Variants in SHLD2 observed in about 807,000 individuals in gnomAD.
The protein encoded by SHLD2 is RINN1-REV7-interacting novel NHEJ regulator 2.
SHLD2 carries 30 observed loss-of-function variants against 73.2 expected under a neutral mutation model. That is an observed-to-expected ratio of 0.41 (90% CI 0.31 to 0.56). SHLD2 has a LOEUF of 0.56. SHLD2 is among the 20% of genes least tolerant of loss of function. The probability of loss-of-function intolerance (pLI) is 0.28; values close to 1 mark genes in which losing one functional copy is unlikely to be tolerated. For synonymous variants in SHLD2, 285 were observed against 370.1 expected, an observed-to-expected ratio of 0.77 and a Z score of 2.64; for missense variants, 745 against 1,055.9, an observed-to-expected ratio of 0.71 and a Z score of 4.08.
chr10:87,124,790 G>C (rs941508008), intron 2 of SHLD2, among the ~76,000 whole-genome samples: 1 of 145,040 alleles, frequency 6.9e-6, no homozygotes, highest in Non-Finnish European at 1.5e-5. Flanking sequence ...CCATTGACTA[G>C]GCTGAGTGCA....
At chr10:87,162,875 T>C (rs60783257) in intron 4 of SHLD2, among the ~76,000 whole-genome samples, 47,166 of 151,956 alleles carry the variant, frequency 0.31, 7,930 homozygotes, top group South Asian at 0.43. Flanking sequence ...ACATTGGTGG[T>C]AGGAATGCAA....
At chr10:87,168,699 A>G (rs1358634991) in intron 4 of SHLD2, among the ~76,000 whole-genome samples, 1 of 152,208 alleles carries the variant, frequency 6.6e-6, no homozygotes, top group East Asian at 1.9e-4. Flanking sequence ...ACCAAATAAC[A>G]TGTATTCTCA....
intron 2 of SHLD2, among the ~76,000 whole-genome samples, chr10:87,125,179 G>A (rs1479857644): frequency 6.6e-6 from 1 of 152,144 alleles, no homozygotes; most frequent in Non-Finnish European, 1.5e-5. Flanking sequence ...CTCATTTAAG[G>A]TGTCCATCTG....
At chr10:87,188,271 C>T (rs1848749956) in intron 9 of SHLD2, among the ~76,000 whole-genome samples, 1 of 152,130 alleles carries the variant, frequency 6.6e-6, no homozygotes, top group South Asian at 2.1e-4. Context: ...GTGGTCCTGG[C>T]CCTGCCCCAG....
chr10:87,180,292 A>G lies in SHLD2; in HGVS notation c.2388A>G (p.Lys796=). The part of the protein sequence containing the change: ...CFSCLPFTMK[K]IYYRPALMTA... ...GCTGCTTGCCATTTACTATGAAGAA[A>G]ATATATTATAGGTAAGGCAACTAAG... is the stretch of plus-strand genomic sequence containing the variant. Residue 796 remains lysine, a synonymous_variant, in exon 8 of 10, where the codon AAA becomes AAG. Transcript: ENST00000298786. 1 of 1,605,054 alleles carries G rather than the reference A, an allele frequency of 6.2e-7. No homozygotes were observed. The highest frequency in any genetic ancestry group is 8.5e-7 in the Non-Finnish European group (1 of 1,174,342).
chr10:87,096,368 A>G (rs1433118864), intron 1 of SHLD2, among the ~76,000 whole-genome samples: 2 of 151,730 alleles, frequency 1.3e-5, no homozygotes, highest in African/African-American at 4.8e-5. Flanking sequence ...TATAAGCTTT[A>G]TGCTGTATGA....
At chr10:87,122,969 G>A (rs1843730957) in intron 2 of SHLD2, among the ~76,000 whole-genome samples, 1 of 152,132 alleles carries the variant, frequency 6.6e-6, no homozygotes, top group Non-Finnish European at 1.5e-5. Flanking sequence ...AGTAAAGATG[G>A]GGTTTCACCA....
chr10:87,135,680 T>A (rs1479074563), intron 2 of SHLD2, among the ~76,000 whole-genome samples: 7 of 137,232 alleles, frequency 5.1e-5, no homozygotes, highest in Non-Finnish European at 9.5e-5. Context: ...TTTTTTTTTT[T>A]AATAGAGACA....
intron 6 of SHLD2, among the ~76,000 whole-genome samples, chr10:87,175,289 C>T (rs2134640349): frequency 6.6e-6 from 1 of 152,122 alleles, no homozygotes; most frequent in East Asian, 1.9e-4. Flanking sequence ...ACAACTTTGC[C>T]TATAGATAGA....
intron 2 of SHLD2, among the ~76,000 whole-genome samples, chr10:87,123,526 A>G (rs1028331093): frequency 7.2e-5 from 11 of 152,192 alleles, no homozygotes; most frequent in African/African-American, 2.4e-4. Flanking sequence ...ATTGAGTTCT[A>G]TATTTACACA....
intron 8 of SHLD2, among the ~76,000 whole-genome samples, chr10:87,184,386 T>C (rs939155457): frequency 2.0e-5 from 3 of 151,980 alleles, no homozygotes; most frequent in Non-Finnish European, 2.9e-5. Context: ...CTGCGGGGCA[T>C]GTGGCATCCC....
Position 87,152,160 on chromosome 10 carries a change from A to G in SHLD2, c.806A>G (p.Asn269Ser). Reference protein sequence around the residue: ...DKRRSPVNKGNVNMETEPKAS... With the variant: ...DKRRSPVNKGSVNMETEPKAS... Reference sequence around the variant, plus strand: ...AGGCGGAGTCCTGTAAATAAAGGGAATGTAAACATGGAGACTGAACCAAAG... The same window carrying G: ...AGGCGGAGTCCTGTAAATAAAGGGAGTGTAAACATGGAGACTGAACCAAAG... Residue 269 changes from asparagine (N) to serine (S), a missense_variant, in exon 3 of 10, where the codon AAT (asparagine) becomes AGT (serine). This residue lies in a region of SHLD2 where 280 missense variants were observed against 353.9 expected (regional missense o/e 0.79). Transcript: ENST00000298786. The G allele has an allele frequency of 3.7e-6, 6 of 1,611,010 alleles. No individual in the cohort carries two copies. Among genetic ancestry groups the G allele is most frequent in the Non-Finnish European group, 5.1e-6 (6 of 1,179,342 alleles).
At chr10:87,186,830 A>AT (rs1156909088) in intron 8 of SHLD2, among the ~76,000 whole-genome samples, 1 of 151,756 alleles carries the variant, frequency 6.6e-6, no homozygotes, top group East Asian at 1.9e-4. Context: ...AGTTTAATAT[A>AT]TTTTTATATT....
chr10:87,174,451 G>C (rs1418664073), intron 6 of SHLD2, among the ~76,000 whole-genome samples: 13 of 149,810 alleles, frequency 8.7e-5, no homozygotes, highest in Non-Finnish European at 1.2e-4. Flanking sequence ...TTTGTAATAA[G>C]ACAAGAAAGC....
intron 2 of SHLD2, among the ~76,000 whole-genome samples, chr10:87,143,053 C>T (rs2134242558): frequency 1.3e-5 from 2 of 150,942 alleles, no homozygotes; most frequent in East Asian, 3.9e-4. Context: ...CTTCAGCCTC[C>T]TGAGTAGCTG....
chr10:87,129,359 G>GGGAT (rs1844267483), intron 2 of SHLD2, among the ~76,000 whole-genome samples: 1 of 152,162 alleles, frequency 6.6e-6, no homozygotes, highest in African/African-American at 2.4e-5. Flanking sequence ...CCAAAGTGCT[G>GGGAT]GGATTATGGG....
chr10:87,131,848 C>T (rs1844450943), intron 2 of SHLD2, among the ~76,000 whole-genome samples: 2 of 152,258 alleles, frequency 1.3e-5, no homozygotes, highest in East Asian at 3.9e-4. Flanking sequence ...ACACAAGTGT[C>T]CCAATTTCTC....
chr10:87,132,817 G>A (rs1184862860), intron 2 of SHLD2, among the ~76,000 whole-genome samples: 1 of 152,144 alleles, frequency 6.6e-6, no homozygotes, highest in Non-Finnish European at 1.5e-5. Context: ...CTATATTTCT[G>A]CATTAAGTGG....
intron 6 of SHLD2, among the ~76,000 whole-genome samples, chr10:87,171,655 T>C (rs1030526632): frequency 5.3e-5 from 8 of 152,228 alleles, no homozygotes; most frequent in African/African-American, 1.9e-4. Flanking sequence ...CTAAATTAAT[T>C]TAGAGATTGA....
Sources: gnomAD v4.1 joint callset for allele counts (sites outside exome capture counted in the v4.1 genomes callset) on GRCh38, gnomAD v4.1.1 for gene constraint, gnomAD v4.1.1 regional missense constraint, MANE v1.5 for transcripts, NCBI Gene and HGNC (gene_info 2026-07-23, HGNC 2026-07-21) for gene names.